The following SYNRG variants were observed in gnomAD, a reference collection of about 807,000 sequenced individuals.
SYNRG encodes synergin gamma.
SYNRG carries 37 observed loss-of-function variants against 130.9 expected under a neutral mutation model. The ratio of observed to expected loss-of-function variants is 0.28; its 90% CI spans 0.22 to 0.37. The LOEUF is 0.37. Ranked by LOEUF, SYNRG falls within the 10% of genes least tolerant of loss-of-function variation. The probability of loss-of-function intolerance (pLI) is 1.00; values close to 1 mark genes in which losing one functional copy is unlikely to be tolerated. For missense variants in SYNRG, 1,338 were observed against 1,588.9 expected (o/e 0.84, Z 2.68); for synonymous variants, 539 against 568.1 (o/e 0.95, Z 0.73).
chr17:37,521,452 CA>C (rs2055044293), intron 19 of SYNRG, among the ~76,000 whole-genome samples: 1 of 151,886 alleles, frequency 6.6e-6, no homozygotes, highest in Non-Finnish European at 1.5e-5. Flanking sequence ...GCAGCACAGG[CA>C]AAGGCTCTGA....
chr17:37,540,861 C>T (rs2057694503), intron 15 of SYNRG: 1 of 991,682 alleles, frequency 1.0e-6, no homozygotes, highest in South Asian at 4.4e-5. Flanking sequence ...TCTCGAACTC[C>T]TGATCTCAAG....
At chr17:37,581,585 GT>G (rs1157419973) in intron 6 of SYNRG, among the ~76,000 whole-genome samples, 1 of 150,952 alleles carries the variant, frequency 6.6e-6, no homozygotes, top group African/African-American at 2.4e-5. Context: ...ACCTTGTTTT[GT>G]TTTTGTTTTT....
In SYNRG at chr17:37,553,487, C is replaced by T. The variant is rs117611723; in HGVS notation, c.2236G>A (p.Asp746Asn). 0.014 allele frequency: 22,684 copies of T among 1,614,164 alleles called. 186 individuals are homozygous for T. The highest frequency in any genetic ancestry group is 0.017 in the Non-Finnish European group (19,513 of 1,180,030). Residue 746 changes from aspartate to asparagine, a missense_variant, in exon 14 of 22, where the codon GAT (aspartate) becomes AAT (asparagine). Around this residue, in one of 3 missense-constraint regions of SYNRG, gnomAD observed 1,146 missense variants for 1,342.3 expected, o/e 0.85. Coordinates refer to ENST00000612223, the MANE Select transcript of SYNRG (RefSeq NM_007247.6). Reference sequence around the variant, plus strand: ...TCCAGAGAAAGTTGTCTGAAGACATCGTACTTGGTAGACGCAGCAGTCGAG... The same window carrying T: ...TCCAGAGAAAGTTGTCTGAAGACATTGTACTTGGTAGACGCAGCAGTCGAG... ...QNSTAASTKY[D>N]VFRQLSLEGS...
rs150704381 is a variant in SYNRG, at chr17:37,606,582, C to T, written c.77+2697G>A. ...TACAGCATCAAGAACAGTACCTTAC[C>T]CATGTAAGCATTCAATGACTACAGA... is the stretch of plus-strand genomic sequence containing the variant. On this transcript the variant is annotated intron_variant, in intron 1 of 21. Coordinates refer to ENST00000612223, the MANE Select transcript of SYNRG (RefSeq NM_007247.6). Among the ~76,000 whole-genome samples, 30 of 152,130 alleles carry T rather than the reference C, an allele frequency of 2.0e-4. No homozygotes were observed. In the East Asian group the frequency reaches 5.6e-3, roughly 28 times the overall value.
intron 3 of SYNRG, among the ~76,000 whole-genome samples, chr17:37,590,194 A>T (rs1432568205): frequency 1.3e-5 from 2 of 149,998 alleles, no homozygotes; most frequent in Non-Finnish European, 2.9e-5. Flanking sequence ...AAAGAAAAGA[A>T]AAGAAACTTA....
intron 19 of SYNRG, among the ~76,000 whole-genome samples, chr17:37,534,497 A>G (rs1393270194): frequency 2.6e-5 from 4 of 152,242 alleles, no homozygotes; most frequent in South Asian, 2.1e-4. Context: ...AAGTGCTGGC[A>G]TGACAGGGGT....
At position 37,586,878 on chromosome 17, in the gene SYNRG, T is replaced by C. The variant is rs535998859; in HGVS notation, c.241-329A>G. Among the ~76,000 whole-genome samples, 68 of 152,248 alleles carry C rather than the reference T, an allele frequency of 4.5e-4. 2 individuals carry two copies. The South Asian group carries it at 0.013, about 28-fold the overall frequency. On this transcript the variant is annotated intron_variant, in intron 3 of 21. Coordinates refer to ENST00000612223, the MANE Select transcript of SYNRG (RefSeq NM_007247.6). ...AGTTATATTCTTGTGAGCTCACTAA[T>C]CCTCTTTGAGAAGAGGCATTATATC...
intron 19 of SYNRG, among the ~76,000 whole-genome samples, chr17:37,532,554 T>A (rs1383387962): frequency 6.6e-6 from 1 of 151,284 alleles, no homozygotes; most frequent in Non-Finnish European, 1.5e-5. Flanking sequence ...GCACCTGTAA[T>A]CCCAACTACT....
At chr17:37,521,711 TC>T (rs1449263525) in intron 19 of SYNRG, among the ~76,000 whole-genome samples, 1 of 152,290 alleles carries the variant, frequency 6.6e-6, no homozygotes, top group East Asian at 1.9e-4. Flanking sequence ...GCTGTAGCAG[TC>T]CTGGAGACAG....
At chr17:37,528,902 A>G (rs2056285177) in intron 19 of SYNRG, among the ~76,000 whole-genome samples, 1 of 152,220 alleles carries the variant, frequency 6.6e-6, no homozygotes, top group South Asian at 2.1e-4. Context: ...GCAAAGAATG[A>G]TTGTTGTTCT....
Position 37,571,960 on chromosome 17 carries a change from G to A in SYNRG, c.929C>T (p.Thr310Ile), listed in dbSNP as rs760547595. The stretch of plus-strand genomic sequence containing the variant: ...AGTATCTATTCCAGTTGGAGTCATT[G>A]TGGTTTCTAAGATTTTCTTATAGGC... ...PDAYKKILETTMTPTGIDTAK... is the reference protein window; with the variant it reads ...PDAYKKILETIMTPTGIDTAK... The change falls in exon 9 of 22, where the codon ACA becomes ATA. Residue 310 changes from threonine (T) to isoleucine (I), a missense_variant. By Grantham distance (89) the Thr-to-Ile change is moderately conservative. Around this residue, in one of 3 missense-constraint regions of SYNRG, gnomAD observed 1,146 missense variants for 1,342.3 expected, o/e 0.85. Transcript: ENST00000612223. 1 of 1,612,336 alleles carries A rather than the reference G, an allele frequency of 6.2e-7. No homozygotes were observed. Among genetic ancestry groups the A allele is most frequent in the Non-Finnish European group, 8.5e-7 (1 of 1,179,556 alleles).
intron 19 of SYNRG, among the ~76,000 whole-genome samples, chr17:37,522,134 T>TACACACACACACACACAC (rs60928738): frequency 0.04 from 5,862 of 145,076 alleles, 155 homozygotes; most frequent in African/African-American, 0.053. Context: ...TCTAATTCAC[T>TACACACACACACACACAC]ACACACACAC....
At chr17:37,541,929 G>GA (rs757132968) in intron 15 of SYNRG, 43 bp downstream of exon 15, 11 of 1,553,274 alleles carry the variant, frequency 7.1e-6, no homozygotes, top group Non-Finnish European at 8.8e-6. Flanking sequence ...CATCTCAGTG[G>GA]AAAAAAACCA....
Position 37,570,824 on chromosome 17 carries a change from G to T in SYNRG, c.1160C>A (p.Thr387Asn). The change falls in exon 10 of 22, where the codon ACT becomes AAT. Residue 387 changes from threonine (T) to asparagine (N), a missense_variant. Coordinates refer to ENST00000612223, the MANE Select transcript of SYNRG (RefSeq NM_007247.6). Reference protein sequence around the residue: ...LNQFPAAPIPTLSGFSMTLPT... With the variant: ...LNQFPAAPIPNLSGFSMTLPT... Reference sequence around the variant, plus strand: ...CAGAGTCATAGAAAAGCCACTTAAAGTTGGAATAGGAGCTGCTGGGAACTG... The same window carrying T: ...CAGAGTCATAGAAAAGCCACTTAAATTTGGAATAGGAGCTGCTGGGAACTG... 1.9e-6 allele frequency: 3 copies of T among 1,614,194 alleles called. No homozygotes were observed. The highest frequency in any genetic ancestry group is 2.5e-6 in the Non-Finnish European group (3 of 1,180,032).
intron 19 of SYNRG, chr17:37,529,973 A>G (rs2056446519): frequency 1.2e-6 from 1 of 863,572 alleles, no homozygotes; most frequent in African/African-American, 1.7e-5. Context: ...AATGTAAAGA[A>G]GGAGGCTTTT....
At chr17:37,577,299 T>A in intron 7 of SYNRG, 81 bp downstream of exon 7, 1 of 1,287,560 alleles carries the variant, frequency 7.8e-7, no homozygotes, top group Non-Finnish European at 1.1e-6. Flanking sequence ...CAGCATTCAT[T>A]TGAAGATTAA....
intron 8 of SYNRG, among the ~76,000 whole-genome samples, chr17:37,575,540 T>C (rs1321750684): frequency 6.6e-6 from 1 of 150,814 alleles, no homozygotes; most frequent in African/African-American, 2.4e-5. Context: ...GCAGTAAAAA[T>C]ACATGTAAAG....
chr17:37,603,314 G>C (rs968179107), intron 1 of SYNRG, among the ~76,000 whole-genome samples: 3 of 151,910 alleles, frequency 2.0e-5, no homozygotes, highest in African/African-American at 7.3e-5. Context: ...GACCAGCCTG[G>C]GCAACATAGT....
chr17:37,544,418 G>A (rs1040034213), intron 14 of SYNRG, among the ~76,000 whole-genome samples: 19 of 151,978 alleles, frequency 1.3e-4, no homozygotes, highest in African/African-American at 4.4e-4. Context: ...GGGTTCAAGC[G>A]ATTCTCCGGT....
Sources: gnomAD v4.1 joint callset for allele counts (sites outside exome capture counted in the v4.1 genomes callset) on GRCh38, gnomAD v4.1.1 for gene constraint, gnomAD v4.1.1 regional missense constraint, MANE v1.5 for transcripts, NCBI Gene and HGNC (gene_info 2026-07-23, HGNC 2026-07-21) for gene names.